The following CLSTN2 variants were observed in gnomAD, a reference collection of about 807,000 sequenced individuals.
The protein encoded by CLSTN2 is calsyntenin 2.
Under a neutral mutation model 101.2 loss-of-function variants are expected in CLSTN2, and 48 were observed. That is an observed-to-expected ratio of 0.47 (90% CI 0.38 to 0.60). CLSTN2 has a LOEUF of 0.60. Among genes scored for constraint, CLSTN2 ranks in the 20% least tolerant of loss-of-function variants. CLSTN2 has a pLI of 0.00. For missense variants in CLSTN2, 1,160 were observed against 1,238.2 expected (o/e 0.94, Z 0.95); for synonymous variants, 481 against 463.6 (o/e 1.04, Z -0.48).
chr3:140,074,300 C>T (rs953018863), intron 1 of CLSTN2, among the ~76,000 whole-genome samples: 1 of 152,150 alleles, frequency 6.6e-6, no homozygotes, highest in Non-Finnish European at 1.5e-5. Flanking sequence ...TCCCCCCACC[C>T]CCCAACAGTG....
At chr3:140,285,298 CAT>C (rs1296987343) in intron 2 of CLSTN2, among the ~76,000 whole-genome samples, 1 of 152,076 alleles carries the variant, frequency 6.6e-6, no homozygotes, top group Non-Finnish European at 1.5e-5. Context: ...ACAGACAGCT[CAT>C]GTGTAGACTG....
intron 2 of CLSTN2, among the ~76,000 whole-genome samples, chr3:140,263,202 AC>A (rs1026317759): frequency 6.4e-4 from 97 of 152,344 alleles, no homozygotes; most frequent in African/African-American, 2.3e-3. Context: ...ATGGTCAAGT[AC>A]TGACAAAACC....
chr3:140,146,809 C>T (rs150610648), intron 1 of CLSTN2, among the ~76,000 whole-genome samples: 121 of 152,332 alleles, frequency 7.9e-4, no homozygotes, highest in Middle Eastern at 6.8e-3. Context: ...CCTCCTTCCT[C>T]CTGCACCACC....
At chr3:140,330,042 C>T (rs374359111) in intron 2 of CLSTN2, among the ~76,000 whole-genome samples, 1 of 152,158 alleles carries the variant, frequency 6.6e-6, no homozygotes, top group African/African-American at 2.4e-5. Context: ...ATGATGCTGG[C>T]TGCTTCAGGG....
chr3:140,037,439 A>G (rs1223448497), intron 1 of CLSTN2, among the ~76,000 whole-genome samples: 1 of 152,178 alleles, frequency 6.6e-6, no homozygotes, highest in African/African-American at 2.4e-5. Flanking sequence ...GAGATTAAGC[A>G]CAAACTAGAT....
chr3:139,947,966 T>A (rs2107809106), intron 1 of CLSTN2, among the ~76,000 whole-genome samples: 1 of 152,324 alleles, frequency 6.6e-6, no homozygotes, highest in Middle Eastern at 3.4e-3. Flanking sequence ...AGAATCTTCT[T>A]AAAACCATAG....
intron 1 of CLSTN2, among the ~76,000 whole-genome samples, chr3:140,093,251 A>G (rs12638353): frequency 0.099 from 15,118 of 152,162 alleles, 1,082 homozygotes; most frequent in East Asian, 0.27. Context: ...TAAGTTGTGA[A>G]AGGAGTGTAT....
At chr3:139,944,158 T>C (rs183840484) in intron 1 of CLSTN2, among the ~76,000 whole-genome samples, 11 of 152,310 alleles carry the variant, frequency 7.2e-5, no homozygotes, top group South Asian at 4.1e-4. Flanking sequence ...AGATGTGCAC[T>C]CTTATTATCC....
At chr3:140,431,003 G>C (rs1193249747) in intron 5 of CLSTN2, among the ~76,000 whole-genome samples, 5 of 152,130 alleles carry the variant, frequency 3.3e-5, no homozygotes, top group African/African-American at 1.2e-4. Context: ...CTTTATAAAA[G>C]GGTATATCAG....
At chr3:140,157,302 A>G (rs538627497) in intron 1 of CLSTN2, among the ~76,000 whole-genome samples, 11 of 152,062 alleles carry the variant, frequency 7.2e-5, no homozygotes, top group Non-Finnish European at 1.3e-4. Flanking sequence ...GAAGAGTTTC[A>G]GTAGGATTGT....
intron 1 of CLSTN2, among the ~76,000 whole-genome samples, chr3:140,134,133 C>T (rs934294444): frequency 6.6e-6 from 1 of 152,166 alleles, no homozygotes; most frequent in Non-Finnish European, 1.5e-5. Flanking sequence ...TAATTCTCAC[C>T]TGGCTTGGAG....
In CLSTN2 at chr3:140,112,756, G is replaced by T. The variant is rs187838871; in HGVS notation, c.110-63195G>T. ...AGGCACCGTGGTGAGAGAAAGAGCA[G>T]ACAGTCTGCCCTTTCGAGCTCTAGG... On this transcript the variant is annotated intron_variant, in intron 1 of 16. Coordinates refer to ENST00000458420, the MANE Select transcript of CLSTN2 (RefSeq NM_022131.3). Among the ~76,000 whole-genome samples, 366 of 152,242 alleles carry T rather than the reference G, an allele frequency of 2.4e-3. 1 individual carries two copies. The highest frequency in any genetic ancestry group is 2.7e-3 in the Non-Finnish European group (182 of 68,024).
chr3:140,041,713 T>C (rs1387586068), intron 1 of CLSTN2, among the ~76,000 whole-genome samples: 1 of 152,222 alleles, frequency 6.6e-6, no homozygotes, highest in African/African-American at 2.4e-5. Flanking sequence ...CCGACTCCTA[T>C]GAAGCTTTAG....
chr3:140,065,154 AGGCAAAG>A (rs746467663), intron 1 of CLSTN2, among the ~76,000 whole-genome samples: 6 of 152,264 alleles, frequency 3.9e-5, no homozygotes, highest in Non-Finnish European at 7.3e-5. Context: ...TTACAGGAGC[AGGCAAAG>A]GGATGGGGCC....
rs2088269524 is a variant in CLSTN2, at chr3:140,403,687, C to T, written c.291C>T (p.Leu97=). ...GQELPFEAVV[L]NKTSGEGRLR... is the part of the protein sequence containing the mutation. Reference sequence around the variant, plus strand: ...AGCTGCCCTTTGAGGCTGTGGTGCTCAACAAGACATCAGGAGAGGGCCGGC... The same window carrying T: ...AGCTGCCCTTTGAGGCTGTGGTGCTTAACAAGACATCAGGAGAGGGCCGGC... The change falls in exon 3 of 17, where the codon CTC becomes CTT. Residue 97 remains leucine (L), a synonymous_variant. Transcript: ENST00000458420. 1.2e-6 allele frequency: 2 copies of T among 1,614,112 alleles called. No homozygotes were observed. Among genetic ancestry groups the T allele is most frequent in the Non-Finnish European group, 1.7e-6 (2 of 1,179,972 alleles).
At chr3:140,218,360 G>A (rs2010945748) in intron 2 of CLSTN2, among the ~76,000 whole-genome samples, 1 of 152,168 alleles carries the variant, frequency 6.6e-6, no homozygotes, top group Admixed American at 6.5e-5. Flanking sequence ...CTTGGGTGGT[G>A]TTTCTGCCAT....
intron 1 of CLSTN2, among the ~76,000 whole-genome samples, chr3:140,028,407 G>A (rs1251755848): frequency 6.6e-6 from 1 of 152,076 alleles, no homozygotes; most frequent in Non-Finnish European, 1.5e-5. Context: ...AAACACCAGG[G>A]CACCTCCCTT....
chr3:140,015,819 C>T (rs542158036), intron 1 of CLSTN2, among the ~76,000 whole-genome samples: 4 of 152,334 alleles, frequency 2.6e-5, no homozygotes, highest in Admixed American at 6.5e-5. Flanking sequence ...GAAGGACTCC[C>T]GGAAAAAGCA....
chr3:140,412,981 TCAAGGAAC>T (rs1256059516), intron 4 of CLSTN2, among the ~76,000 whole-genome samples: 4 of 152,172 alleles, frequency 2.6e-5, no homozygotes, highest in Admixed American at 1.3e-4. Flanking sequence ...ATGTTATACG[TCAAGGAAC>T]TAGAACAAGA....
Sources: gnomAD v4.1 joint callset for allele counts (sites outside exome capture counted in the v4.1 genomes callset) on GRCh38, gnomAD v4.1.1 for gene constraint, MANE v1.5 for transcripts, NCBI Gene and HGNC (gene_info 2026-07-23, HGNC 2026-07-21) for gene names.